The following DUSP10 variants were observed in gnomAD, a reference collection of about 807,000 sequenced individuals.
The protein encoded by DUSP10 is dual specificity protein phosphatase 10.
In DUSP10, 14 loss-of-function variants were observed where a neutral mutation model predicts 30.8. That is an observed-to-expected ratio of 0.46 (90% CI 0.30 to 0.71). DUSP10 has a LOEUF of 0.71. DUSP10 is among the 30% of genes least tolerant of loss of function. DUSP10 has a pLI of 0.08. For synonymous variants in DUSP10, 254 were observed against 250.4 expected (o/e 1.01, Z -0.14); for missense variants, 550 against 619.4 (o/e 0.89, Z 1.19).
intron 2 of DUSP10, among the ~76,000 whole-genome samples, chr1:221,710,280 G>C (rs759248980): frequency 1.3e-5 from 2 of 151,940 alleles, no homozygotes; most frequent in African/African-American, 2.4e-5. Flanking sequence ...TTCAGAGAAG[G>C]AGTATTGAGG....
chr1:221,702,472 G>C lies in DUSP10; in HGVS notation c.1389C>G (p.Asn463Lys). Residue 463 changes from asparagine to lysine, a missense_variant, in exon 4 of 4, where the codon AAC (asparagine) becomes AAG (lysine). By Grantham distance (94) the Asn-to-Lys change is moderately conservative. Transcript: ENST00000366899. The surrounding 1 kb of genome is among the most constrained non-coding windows in gnomAD (Gnocchi z 4.5). ...GQLLEFEEDL[N>K]NGVTPRILTP... ...TAAGGATTCTCGGTGTCACACCGTT[G>C]TTTAGGTCTTCCTCGAACTCTAGCA... 2 of 1,614,118 alleles carry C rather than the reference G, an allele frequency of 1.2e-6. No individual in the cohort carries two copies. Among genetic ancestry groups the C allele is most frequent in the Non-Finnish European group, 1.7e-6 (2 of 1,180,022 alleles).
chr1:221,732,919 T>C (rs1397081500), intron 2 of DUSP10, among the ~76,000 whole-genome samples: 1 of 152,218 alleles, frequency 6.6e-6, no homozygotes, highest in Admixed American at 6.5e-5. Flanking sequence ...CCCTCTAAAG[T>C]TCCTTGCTCT....
At chr1:221,725,403 A>G (rs1661397510) in intron 2 of DUSP10, among the ~76,000 whole-genome samples, 1 of 152,190 alleles carries the variant, frequency 6.6e-6, no homozygotes, top group South Asian at 2.1e-4. Flanking sequence ...TTTGTAAGAG[A>G]GGGCTTCCTG....
Position 221,705,110 on chromosome 1 carries a change from T to TG in DUSP10, c.1183+984dup, listed in dbSNP as rs202239365. On this transcript the variant is annotated intron_variant, in intron 3 of 3. Coordinates refer to ENST00000366899, the MANE Select transcript of DUSP10 (RefSeq NM_007207.6). ...GGTGCTCCCAAAATGATATTTTGAG[T>TG]GTTTTTTTTTTTTTTTGAGACAGAG... Among the ~76,000 whole-genome samples the TG allele has an allele frequency of 1.4e-3, 176 of 123,302 alleles. 1 individual carries two copies. Among genetic ancestry groups the TG allele is most frequent in the Admixed American group, 3.5e-3 (48 of 13,538 alleles). 80.9% of individuals were successfully genotyped at this position (123,302 alleles called of 152,430 possible).
rs1158132695 is a variant in DUSP10, at chr1:221,706,099, G to C, written c.1179C>G (p.Phe393Leu). Residue 393 changes from phenylalanine to leucine, a missense_variant, in exon 3 of 4, where the codon TTC becomes TTG. Physicochemically the swap from Phe to Leu is conservative, Grantham distance 22. Coordinates refer to ENST00000366899, the MANE Select transcript of DUSP10 (RefSeq NM_007207.6). This position sits in a 1 kb window ranked among gnomAD's most constrained non-coding sequence, Gnocchi z 4.6. ...LRQYFEEAFE[F>L]IEEAHQCGKG... ...TTCCCTATGGGAGATAGTTACCAAT[G>C]AACTCAAAAGCCTCTTCAAAGTACT... is the stretch of plus-strand genomic sequence containing the variant. 1.2e-6 allele frequency: 2 copies of C among 1,611,394 alleles called. No homozygotes were observed. Among genetic ancestry groups the C allele is most frequent in the South Asian group, 1.1e-5 (1 of 90,848 alleles).
intron 2 of DUSP10, among the ~76,000 whole-genome samples, chr1:221,731,930 G>GA (rs1307920353): frequency 1.1e-4 from 16 of 150,582 alleles, no homozygotes; most frequent in South Asian, 2.1e-4. Context: ...AAAAGAAAAA[G>GA]AAAAAAAAAG....
chr1:221,733,715 T>G (rs1219402449), intron 2 of DUSP10, among the ~76,000 whole-genome samples: 1 of 152,202 alleles, frequency 6.6e-6, no homozygotes, highest in Non-Finnish European at 1.5e-5. Flanking sequence ...TGTTTTACAA[T>G]GAAGAAAACC....
chr1:221,736,958 T>A, intron 2 of DUSP10: 1 of 985,492 alleles, frequency 1.0e-6, no homozygotes, highest in Non-Finnish European at 1.2e-6. Flanking sequence ...CAGTGTGTCC[T>A]GCCCCGCCCC....
rs1318290288 is a variant in DUSP10 at position 221,701,478 on chromosome 1, C to G, written c.*934G>C. 1 of 115,224 alleles carries G rather than the reference C, an allele frequency of 8.7e-6. No homozygotes were observed. Among genetic ancestry groups the G allele is most frequent in the Non-Finnish European group, 1.8e-5 (1 of 56,312 alleles). 7.1% of individuals were successfully genotyped at this position (115,224 alleles called of 1,614,324 possible). ...TTTTACACAATCAACAGAAACACAC[C>G]AAGATTTTTTTTTTTTTTGCGAAAA... On this transcript the variant is annotated 3_prime_UTR_variant, in exon 4 of 4. Transcript: ENST00000366899.
Position 221,702,114 on chromosome 1 carries a change from C to T in DUSP10, c.*298G>A. The T allele has an allele frequency of 2.9e-6, 1 of 347,644 alleles. No homozygotes were observed. The allele number at this position is 347,644 out of a possible 1,614,324, so 21.5% of individuals were successfully genotyped here. ...ACAGACTATTTAGTCATAAACTCTA[C>T]AAATAGCTTAAAAGGAAAAGGGGGA... On this transcript the variant is annotated 3_prime_UTR_variant, in exon 4 of 4. Coordinates refer to ENST00000366899, the MANE Select transcript of DUSP10 (RefSeq NM_007207.6). This position sits in a 1 kb window ranked among gnomAD's most constrained non-coding sequence, Gnocchi z 4.5.
Position 221,732,759 on chromosome 1 carries a change from T to C in DUSP10, c.811+6175A>G, listed in dbSNP as rs190430046. Among the ~76,000 whole-genome samples, 44 of 152,308 alleles carry C rather than the reference T, an allele frequency of 2.9e-4. No individual in the cohort carries two copies. The East Asian group carries it at 8.3e-3, about 29-fold the overall frequency. ...ACTTTGCTGCCTGTTAGAATCACTT[T>C]GGGAGCTTTAAAAAAATCTTGATGT... On this transcript the variant is annotated intron_variant, in intron 2 of 3. Coordinates refer to ENST00000366899, the MANE Select transcript of DUSP10 (RefSeq NM_007207.6).
chr1:221,734,415 T>C (rs950762427), intron 2 of DUSP10, among the ~76,000 whole-genome samples: 1 of 152,226 alleles, frequency 6.6e-6, no homozygotes, highest in Non-Finnish European at 1.5e-5. Context: ...CTACTATACC[T>C]AGCTTGTTAT....
chr1:221,734,772 C>T (rs1661713153), intron 2 of DUSP10, among the ~76,000 whole-genome samples: 1 of 152,160 alleles, frequency 6.6e-6, no homozygotes, highest in Non-Finnish European at 1.5e-5. Flanking sequence ...TAATGTTTGA[C>T]ATTTTAGCCT....
intron 2 of DUSP10, among the ~76,000 whole-genome samples, chr1:221,738,279 A>G (rs1299480420): frequency 6.6e-6 from 1 of 152,232 alleles, no homozygotes; most frequent in Non-Finnish European, 1.5e-5. Context: ...GAGGCCAGAA[A>G]AAACAATGGG....
chr1:221,713,621 A>T (rs1196984651), intron 2 of DUSP10, among the ~76,000 whole-genome samples: 1 of 152,238 alleles, frequency 6.6e-6, no homozygotes, highest in Non-Finnish European at 1.5e-5. Flanking sequence ...ACAACTTATT[A>T]TATGTATACA....
At chr1:221,713,219 A>G (rs996238225) in intron 2 of DUSP10, among the ~76,000 whole-genome samples, 2 of 152,240 alleles carry the variant, frequency 1.3e-5, no homozygotes, top group African/African-American at 4.8e-5. Context: ...AGCAGGAGCC[A>G]TGAGGACAGC....
In DUSP10 at chr1:221,706,297, G is replaced by C. The variant is rs750815047; in HGVS notation, c.981C>G (p.Pro327=). The change falls in exon 3 of 4, where the codon CCC becomes CCG. Residue 327 remains proline (P), a synonymous_variant. Transcript: ENST00000366899. This position sits in a 1 kb window ranked among gnomAD's most constrained non-coding sequence, Gnocchi z 4.6. The part of the protein sequence containing the change: ...IENAELTPIL[P]FLFLGNEQDA... ...CCTGCTCATTGCCAAGGAACAGGAA[G>C]GGCAAGATGGGGGTGAGCTCAGCGT... is the stretch of plus-strand genomic sequence containing the variant. 6.2e-7 allele frequency: 1 copy of C among 1,614,206 alleles called. No homozygotes were observed. The highest frequency in any genetic ancestry group is 8.5e-7 in the Non-Finnish European group (1 of 1,180,028).
rs893621081 is a variant in DUSP10, at chr1:221,706,609, AAAAT to A, written c.812-147_812-144del. On this transcript the variant is annotated intron_variant, in intron 2 of 3. Coordinates refer to ENST00000366899, the MANE Select transcript of DUSP10 (RefSeq NM_007207.6). This position sits in a 1 kb window ranked among gnomAD's most constrained non-coding sequence, Gnocchi z 4.6. ...AATATGTATTTAAGCAAAAAAAATA[AAAAT>A]AAAAATAAAACAAAACAAAACAAAA... 8.1e-4 allele frequency: 464 copies of A among 572,446 alleles called. 2 individuals carry two copies. Among genetic ancestry groups the A allele is most frequent in the Non-Finnish European group, 2.7e-4 (101 of 373,830 alleles). The allele number at this position is 572,446 out of a possible 1,614,324, so 35.5% of individuals were successfully genotyped here.
intron 2 of DUSP10, among the ~76,000 whole-genome samples, chr1:221,729,617 A>G (rs568671077): frequency 6.6e-6 from 1 of 152,364 alleles, no homozygotes; most frequent in Admixed American, 6.5e-5. Context: ...TGACAGCCCA[A>G]TGCCCAGCAT....
Sources: gnomAD v4.1 joint callset for allele counts (sites outside exome capture counted in the v4.1 genomes callset) on GRCh38, gnomAD v4.1.1 for gene constraint, Gnocchi (gnomAD v3.1) non-coding constraint, MANE v1.5 for transcripts, NCBI Gene and HGNC (gene_info 2026-07-23, HGNC 2026-07-21) for gene names.